The following ADGRA1 variants were observed in gnomAD, a reference collection of about 807,000 sequenced individuals.
The protein encoded by ADGRA1 is adhesion G protein-coupled receptor A1.
Under a neutral mutation model 21.3 loss-of-function variants are expected in ADGRA1, and 12 were observed. The observed-to-expected ratio is 0.56, with a 90% confidence interval of 0.36 to 0.91. ADGRA1 has a LOEUF of 0.91. Among genes scored for constraint, ADGRA1 ranks in the 40% least tolerant of loss-of-function variants. The pLI, the probability that ADGRA1 is intolerant of heterozygous loss-of-function variation, is 0.01. For synonymous variants in ADGRA1, 385 were observed against 368.8 expected (o/e 1.04, Z -0.50); for missense variants, 790 against 805.6 (o/e 0.98, Z 0.23).
At chr10:133,114,369 C>T (rs1162156562) in intron 5 of ADGRA1, among the ~76,000 whole-genome samples, 1 of 152,188 alleles carries the variant, frequency 6.6e-6, no homozygotes, top group African/African-American at 2.4e-5. Flanking sequence ...CCACTGCAAG[C>T]GGACCAGAGC....
intron 5 of ADGRA1, among the ~76,000 whole-genome samples, chr10:133,125,677 C>T (rs1305706387): frequency 6.6e-6 from 1 of 152,126 alleles, no homozygotes; most frequent in Admixed American, 6.5e-5. Flanking sequence ...GATCTGCCCA[C>T]CTCAGCCTCT....
At chr10:133,117,091 G>A (rs1852173359) in intron 5 of ADGRA1, among the ~76,000 whole-genome samples, 2 of 152,174 alleles carry the variant, frequency 1.3e-5, no homozygotes, top group African/African-American at 2.4e-5. Context: ...GCAGAAGGGG[G>A]AAGGGGAAGG....
Position 133,128,751 on chromosome 10 carries a change from C to T in ADGRA1, c.923C>T (p.Ala308Val). ...LGLFVLIHHC[A>V]KREDVWQCWW... Reference sequence around the variant, plus strand: ...CTCTTCGTGCTCATCCACCACTGCGCCAAGCGTGAGGACGTGTGGCAGTGC... The same window carrying T: ...CTCTTCGTGCTCATCCACCACTGCGTCAAGCGTGAGGACGTGTGGCAGTGC... Residue 308 changes from alanine (A) to valine (V), a missense_variant, in exon 7 of 7, where the codon GCC (alanine) becomes GTC (valine). Ala to Val is a moderately conservative substitution (Grantham distance 64). This residue lies in a region of ADGRA1 where 17 missense variants were observed against 38.5 expected (regional missense o/e 0.44). Coordinates refer to ENST00000392607, the MANE Select transcript of ADGRA1 (RefSeq NM_001083909.3). The T allele has an allele frequency of 6.2e-7, 1 of 1,612,006 alleles. No homozygotes were observed. Among genetic ancestry groups the T allele is most frequent in the Non-Finnish European group, 8.5e-7 (1 of 1,179,532 alleles).
chr10:133,097,662 C>T (rs1002901613), intron 3 of ADGRA1, among the ~76,000 whole-genome samples: 6 of 152,350 alleles, frequency 3.9e-5, no homozygotes, highest in Admixed American at 2.0e-4. Flanking sequence ...GAGGCTTGGG[C>T]GGTTCCGAAA....
intron 5 of ADGRA1, among the ~76,000 whole-genome samples, chr10:133,122,690 G>C (rs1048643559): frequency 2.6e-5 from 4 of 152,220 alleles, no homozygotes; most frequent in Non-Finnish European, 4.4e-5. Context: ...CCAGGAAACT[G>C]TGGTCACGAC....
chr10:133,089,155 G>T, intron 2 of ADGRA1: 1 of 621,806 alleles, frequency 1.6e-6, no homozygotes, highest in Non-Finnish European at 2.3e-6. Flanking sequence ...CAGGCATATG[G>T]CAATGTGGAA....
chr10:133,119,713 A>T (rs1423245271), intron 5 of ADGRA1, among the ~76,000 whole-genome samples: 1 of 152,262 alleles, frequency 6.6e-6, no homozygotes, highest in African/African-American at 2.4e-5. Flanking sequence ...GTAGCAATTC[A>T]GTGCCATCTT....
At chr10:133,107,712 A>G (rs1851918109) in intron 5 of ADGRA1, among the ~76,000 whole-genome samples, 1 of 151,946 alleles carries the variant, frequency 6.6e-6, no homozygotes, top group South Asian at 2.1e-4. Context: ...TTATCTCCAC[A>G]TAGTCATTTC....
chr10:133,122,000 G>A (rs1227901145), intron 5 of ADGRA1, among the ~76,000 whole-genome samples: 2 of 152,152 alleles, frequency 1.3e-5, no homozygotes, highest in Non-Finnish European at 2.9e-5. Flanking sequence ...TGTGTGTGAT[G>A]GGTGCCAGTG....
intron 2 of ADGRA1, 28 bp from the exon 3 acceptor site, chr10:133,096,946 A>G (rs1346740949): frequency 5.0e-6 from 8 of 1,594,640 alleles, no homozygotes; most frequent in Non-Finnish European, 6.0e-6. Context: ...CCAGCCAGTC[A>G]CACACGTCTC....
intron 5 of ADGRA1, among the ~76,000 whole-genome samples, chr10:133,103,705 G>A (rs1376162701): frequency 6.6e-6 from 1 of 152,242 alleles, no homozygotes; most frequent in Non-Finnish European, 1.5e-5. Context: ...AAAAAGCCGG[G>A]TCAGGGAGCT....
chr10:133,122,145 G>C (rs570841637), intron 5 of ADGRA1, among the ~76,000 whole-genome samples: 3 of 152,368 alleles, frequency 2.0e-5, no homozygotes, highest in Admixed American at 6.5e-5. Flanking sequence ...GGCAGAGGCA[G>C]TGCTGCTCAC....
At chr10:133,107,894 T>C (rs1446723089) in intron 5 of ADGRA1, among the ~76,000 whole-genome samples, 1 of 152,210 alleles carries the variant, frequency 6.6e-6, no homozygotes, top group Non-Finnish European at 1.5e-5. Flanking sequence ...GCAGTGTGGT[T>C]TTGGGTGGCT....
At chr10:133,112,365 GCGGGCCGTGTCGGTTATTTGGGGTCTA>G (rs1564849991) in intron 5 of ADGRA1, among the ~76,000 whole-genome samples, 4 of 148,348 alleles carry the variant, frequency 2.7e-5, no homozygotes, top group Admixed American at 6.8e-5. Flanking sequence ...TTTGGGGTCT[GCGGGCCGTGTCGGTTATTTGGGGTCTA>G]CGGGCCGCGT....
intron 5 of ADGRA1, among the ~76,000 whole-genome samples, chr10:133,116,303 G>A (rs1369358336): frequency 6.6e-6 from 1 of 151,604 alleles, no homozygotes; most frequent in Non-Finnish European, 1.5e-5. Context: ...CGGCCTGTGG[G>A]GGACCCCAAA....
chr10:133,099,547 C>G, intron 4 of ADGRA1, among the ~76,000 whole-genome samples: 1 of 152,134 alleles, frequency 6.6e-6, no homozygotes, highest in Admixed American at 6.5e-5. Context: ...CCCAGCCTGA[C>G]CTTGGTTTAA....
intron 2 of ADGRA1, chr10:133,095,731 G>C: frequency 6.3e-7 from 1 of 1,598,416 alleles, no homozygotes; most frequent in Non-Finnish European, 8.5e-7. Flanking sequence ...GTGGCCTCAG[G>C]AGGGAAGCAG....
chr10:133,092,739 G>T (rs979358368), intron 2 of ADGRA1, among the ~76,000 whole-genome samples: 1 of 127,530 alleles, frequency 7.8e-6, no homozygotes, highest in Non-Finnish European at 1.6e-5. Flanking sequence ...TGAAGAAGGA[G>T]AAATAGGGAG....
At chr10:133,126,558 C>T (rs541140725) in intron 5 of ADGRA1, among the ~76,000 whole-genome samples, 133 of 152,324 alleles carry the variant, frequency 8.7e-4, no homozygotes, top group African/African-American at 3.0e-3. Flanking sequence ...CGGGTGGGGG[C>T]TGGAGGCGGT....
Sources: allele counts gnomAD v4.1 joint callset (sites outside exome capture counted in the v4.1 genomes callset), GRCh38; gene constraint gnomAD v4.1.1; regional missense constraint gnomAD v4.1.1; transcripts MANE v1.5; gene names NCBI Gene and HGNC (gene_info 2026-07-23, HGNC 2026-07-21).